The following JCAD variants were observed in gnomAD, a reference collection of about 807,000 sequenced individuals.
The protein encoded by JCAD is junctional cadherin 5-associated protein.
Under a neutral mutation model 98.0 loss-of-function variants are expected in JCAD, and 40 were observed. That is an observed-to-expected ratio of 0.41 (90% CI 0.32 to 0.53). The LOEUF is 0.53. Among genes scored for constraint, JCAD ranks in the 20% least tolerant of loss-of-function variants. The pLI, the probability that JCAD is intolerant of heterozygous loss-of-function variation, is 0.31. For missense variants in JCAD, 1,705 were observed against 1,738.1 expected, an observed-to-expected ratio of 0.98 and a Z score of 0.34; for synonymous variants, 691 against 682.3, an observed-to-expected ratio of 1.01 and a Z score of -0.20.
At chr10:30,091,012 G>A (rs1271372220) in intron 1 of JCAD, among the ~76,000 whole-genome samples, 2 of 152,176 alleles carry the variant, frequency 1.3e-5, no homozygotes, top group Admixed American at 6.5e-5. Context: ...GACCACAGGT[G>A]CACACGCTGG....
chr10:30,096,826 AT>A, intron 1 of JCAD, among the ~76,000 whole-genome samples: 1 of 152,170 alleles, frequency 6.6e-6, no homozygotes, highest in Non-Finnish European at 1.5e-5. Context: ...AAGAGCTCAA[AT>A]TTTCCAGTGA....
intron 1 of JCAD, among the ~76,000 whole-genome samples, chr10:30,074,020 G>A (rs1016212950): frequency 5.3e-5 from 8 of 152,048 alleles, no homozygotes; most frequent in East Asian, 1.9e-4. Flanking sequence ...GCATATGTAC[G>A]TGTGTGTGAC....
At chr10:30,093,465 G>A (rs955253102) in intron 1 of JCAD, among the ~76,000 whole-genome samples, 3 of 152,214 alleles carry the variant, frequency 2.0e-5, no homozygotes, top group African/African-American at 4.8e-5. Flanking sequence ...GGAGAGGTAC[G>A]AGACAGACAT....
At chr10:30,045,740 A>G (rs1341345931) in intron 2 of JCAD, among the ~76,000 whole-genome samples, 1 of 152,172 alleles carries the variant, frequency 6.6e-6, no homozygotes, top group African/African-American at 2.4e-5. Flanking sequence ...TGAAAGAGAA[A>G]CAGCTTCCAG....
chr10:30,043,049 A>C (rs1837273883), intron 2 of JCAD, among the ~76,000 whole-genome samples: 2 of 152,254 alleles, frequency 1.3e-5, no homozygotes, highest in Non-Finnish European at 2.9e-5. Context: ...TGTATGAAGG[A>C]GAACCAACTC....
In JCAD at chr10:30,014,048, A is replaced by T. The variant is rs1048890426; in HGVS notation, c.*3835T>A. The stretch of plus-strand genomic sequence containing the variant: ...CAGGCTGGAGGCCATTCTTCCTTTA[A>T]TGTTATTTTATCATCTCCCCCTTCT... On this transcript the variant is annotated 3_prime_UTR_variant, in exon 4 of 4. Transcript: ENST00000375377. The T allele has an allele frequency of 1.1e-4, 17 of 152,072 alleles. No individual in the cohort carries two copies. The highest frequency in any genetic ancestry group is 4.1e-4 in the African/African-American group (17 of 41,390). 9.4% of individuals were successfully genotyped at this position (152,072 alleles called of 1,614,324 possible). A position where few individuals can be genotyped will look rare whatever the true frequency, so the allele number is the denominator to read the frequency against.
chr10:30,040,030 G>A (rs2132634194), intron 2 of JCAD, among the ~76,000 whole-genome samples: 1 of 152,340 alleles, frequency 6.6e-6, no homozygotes, highest in South Asian at 2.1e-4. Flanking sequence ...AGGTTATCTT[G>A]AAGCTCTGTT....
At position 30,028,914 on chromosome 10, in the gene JCAD, G is replaced by A; in HGVS notation, c.1234C>T (p.Arg412Ter). The A allele has an allele frequency of 3.7e-6, 6 of 1,614,132 alleles. No homozygotes were observed. The highest frequency in any genetic ancestry group is 2.2e-5 in the East Asian group (1 of 44,874). The change falls in exon 3 of 4, where the codon CGA becomes TGA. Residue 412 changes from arginine (R) to a stop codon, truncating the protein, a stop_gained. Coordinates refer to ENST00000375377, the MANE Select transcript of JCAD (RefSeq NM_020848.4). LOFTEE classifies it high-confidence loss of function. The part of the protein sequence containing the change: ...RLPQGLPAHP[R>*]PVTAYDGFVQ... ...AAGCCGTCATAGGCAGTGACAGGTCGGGGATGTGCGGGGAGCCCCTGAGGC... is the reference window on the plus strand; with the variant it reads ...AAGCCGTCATAGGCAGTGACAGGTCAGGGATGTGCGGGGAGCCCCTGAGGC...
At chr10:30,090,508 T>TC (rs1040467706) in intron 1 of JCAD, among the ~76,000 whole-genome samples, 11 of 137,522 alleles carry the variant, frequency 8.0e-5, no homozygotes, top group Non-Finnish European at 1.7e-4. Context: ...GCCACTGCAC[T>TC]CCAGCCTTAG....
At chr10:30,111,212 T>C (rs1838695186) in intron 1 of JCAD, among the ~76,000 whole-genome samples, 1 of 152,212 alleles carries the variant, frequency 6.6e-6, no homozygotes, top group African/African-American at 2.4e-5. Flanking sequence ...CTGTACACTG[T>C]TCCTCCTGGC....
intron 2 of JCAD, among the ~76,000 whole-genome samples, chr10:30,039,450 G>A (rs1837196821): frequency 6.6e-6 from 1 of 152,210 alleles, no homozygotes. Flanking sequence ...TGCAGGGACA[G>A]AATCCTTCCT....
At chr10:30,034,543 C>T (rs1197141536) in intron 2 of JCAD, among the ~76,000 whole-genome samples, 1 of 152,110 alleles carries the variant, frequency 6.6e-6, no homozygotes, top group Non-Finnish European at 1.5e-5. Context: ...AAGACTGCTT[C>T]CTGGTCAGGT....
At chr10:30,024,570 G>C (rs1158361391) in intron 3 of JCAD, among the ~76,000 whole-genome samples, 5 of 152,132 alleles carry the variant, frequency 3.3e-5, no homozygotes, top group African/African-American at 9.7e-5. Flanking sequence ...GATCCAACGG[G>C]GCCCCGACGA....
Position 30,015,033 on chromosome 10 carries a change from T to C in JCAD, c.*2850A>G, listed in dbSNP as rs773793197. 3 of 152,226 alleles carry C rather than the reference T, an allele frequency of 2.0e-5. No individual in the cohort carries two copies. The highest frequency in any genetic ancestry group is 2.9e-5 in the Non-Finnish European group (2 of 68,050). 9.4% of individuals were successfully genotyped at this position (152,226 alleles called of 1,614,324 possible). A position where few individuals can be genotyped will look rare whatever the true frequency, so the allele number is the denominator to read the frequency against. On this transcript the variant is annotated 3_prime_UTR_variant, in exon 4 of 4. Transcript: ENST00000375377. ...AGAAACATGAGGTTGAAAGTGATAA[T>C]ATAGATATTTGGTTTTCAGTCATTC...
chr10:30,029,163 A>G lies in JCAD; in HGVS notation c.985T>C (p.Cys329Arg). Reference sequence around the variant, plus strand: ...GGTTCCAATCCAGGGTCTGACAGGCAGAGCTCATGCCTGGGGACATAGGCG... The same window carrying G: ...GGTTCCAATCCAGGGTCTGACAGGCGGAGCTCATGCCTGGGGACATAGGCG... ...MDAYVPRHEL[C>R]LSDPGLEPPV... Residue 329 changes from cysteine (C) to arginine (R), a missense_variant, in exon 3 of 4, where the codon TGC becomes CGC. By Grantham distance (180) the Cys-to-Arg change is radical. This residue lies in a region of JCAD where 275 missense variants were observed against 346.9 expected (regional missense o/e 0.79). Transcript: ENST00000375377. The G allele has an allele frequency of 6.2e-7, 1 of 1,614,194 alleles. No homozygotes were observed. Among genetic ancestry groups the G allele is most frequent in the East Asian group, 2.2e-5 (1 of 44,872 alleles).
Position 30,026,087 on chromosome 10 carries a change from C to G in JCAD, c.4045+16G>C. The stretch of plus-strand genomic sequence containing the variant: ...AAATGTATACTGAGCACCTGCCTGT[C>G]TGCCTGATTCCTCACCTGGGCACCA... On this transcript the variant is annotated intron_variant, in intron 3 of 3. Transcript: ENST00000375377. 6.2e-7 allele frequency: 1 copy of G among 1,614,042 alleles called. No homozygotes were observed. The highest frequency in any genetic ancestry group is 8.5e-7 in the Non-Finnish European group (1 of 1,180,042).
intron 1 of JCAD, among the ~76,000 whole-genome samples, chr10:30,086,912 A>G (rs1214025484): frequency 6.6e-6 from 1 of 152,182 alleles, no homozygotes; most frequent in African/African-American, 2.4e-5. Flanking sequence ...ATTTTTATTT[A>G]TTGCTAAAGA....
intron 1 of JCAD, among the ~76,000 whole-genome samples, chr10:30,072,808 C>T (rs979433787): frequency 3.3e-5 from 5 of 152,094 alleles, no homozygotes; most frequent in East Asian, 1.9e-4. Flanking sequence ...CCTGCCACCA[C>T]GCCTAGCTAG....
At chr10:30,075,080 A>G (rs1837959251) in intron 1 of JCAD, among the ~76,000 whole-genome samples, 1 of 152,202 alleles carries the variant, frequency 6.6e-6, no homozygotes, top group Non-Finnish European at 1.5e-5. Flanking sequence ...ATGAGCCACC[A>G]TACCAGGCCA....
Sources: gnomAD v4.1 joint callset for allele counts (sites outside exome capture counted in the v4.1 genomes callset) on GRCh38, gnomAD v4.1.1 for gene constraint, gnomAD v4.1.1 regional missense constraint, MANE v1.5 for transcripts, NCBI Gene and HGNC (gene_info 2026-07-23, HGNC 2026-07-21) for gene names.